Variants in IFRD1 observed in about 807,000 individuals in gnomAD.
IFRD1 encodes interferon related developmental regulator 1, also known as interferon-related developmental regulator 1.
In IFRD1, 35 loss-of-function variants were observed where a neutral mutation model predicts 52.9. The observed-to-expected ratio is 0.66, with a 90% CI of 0.51 to 0.88. The LOEUF (loss-of-function observed/expected upper bound fraction) is 0.88, where lower values mean the gene tolerates loss of function less well. Ranked by LOEUF, IFRD1 falls within the 40% of genes least tolerant of loss-of-function variation. IFRD1 has a pLI of 0.00. For missense variants in IFRD1, 517 were observed against 550.8 expected (o/e 0.94, Z 0.61); for synonymous variants, 184 against 188.4 (o/e 0.98, Z 0.19).
At chr7:112,458,734 G>A (rs1486772060) in intron 4 of IFRD1, 127 bp from the exon 5 acceptor site, 3 of 823,690 alleles carry the variant, frequency 3.6e-6, no homozygotes, top group Non-Finnish European at 6.0e-6. Flanking sequence ...TTACATCAAA[G>A]CCTGGAGCAT....
Position 112,468,072 on chromosome 7 carries a change from G to C in IFRD1, c.998G>C (p.Arg333Thr). ...AAACACCGGGCCAAAGTGGACAAGAGAAAGCAGCGGTCAGTTTTCAGAGAT... is the reference window on the plus strand; with the variant it reads ...AAACACCGGGCCAAAGTGGACAAGACAAAGCAGCGGTCAGTTTTCAGAGAT... ...GNKHRAKVDK[R>T]KQRSVFRDVL... Residue 333 changes from arginine (R) to threonine (T), a missense_variant, in exon 9 of 12, where the codon AGA becomes ACA. Arg to Thr is a moderately conservative substitution (Grantham distance 71). Coordinates refer to ENST00000403825, the MANE Select transcript of IFRD1 (RefSeq NM_001550.4). 6.2e-7 allele frequency: 1 copy of C among 1,614,128 alleles called. No homozygotes were observed. The highest frequency in any genetic ancestry group is 8.5e-7 in the Non-Finnish European group (1 of 1,179,980).
Position 112,472,201 on chromosome 7 carries a change from G to T in IFRD1, c.1042-18G>T, listed in dbSNP as rs1254554942. 6.2e-7 allele frequency: 1 copy of T among 1,613,404 alleles called. No homozygotes were observed. The highest frequency in any genetic ancestry group is 1.1e-5 in the South Asian group (1 of 91,016). ...CCATTTTAGTGCCTGTGGTAATTTT[G>T]GTTCTTCCATTGGTTAGGAACGGGA... On this transcript the variant is annotated intron_variant, in intron 9 of 11. Transcript: ENST00000403825.
chr7:112,434,526 AC>A (rs1281598260), intron 1 of IFRD1, among the ~76,000 whole-genome samples: 4 of 152,238 alleles, frequency 2.6e-5, no homozygotes, highest in Admixed American at 6.5e-5. Context: ...TAATATGTCT[AC>A]TATATACTTT....
chr7:112,463,889 CACA>C (rs1320548840), intron 8 of IFRD1, among the ~76,000 whole-genome samples: 6 of 14,904 alleles, frequency 4.0e-4, no homozygotes, highest in African/African-American at 1.4e-3. Context: ...CACACACACA[CACA>C]CACCCCACGT....
Position 112,475,961 on chromosome 7 carries a change from G to A in IFRD1, c.*442G>A. Reference sequence around the variant, plus strand: ...AGCTGCTGTATTTTTAATTTTTAATGGAATGTAGCTTTTAAAATCCTGTCA... The same window carrying A: ...AGCTGCTGTATTTTTAATTTTTAATAGAATGTAGCTTTTAAAATCCTGTCA... On this transcript the variant is annotated 3_prime_UTR_variant, in exon 12 of 12. Coordinates refer to ENST00000403825, the MANE Select transcript of IFRD1 (RefSeq NM_001550.4). 6.0e-6 allele frequency: 1 copy of A among 165,916 alleles called. No homozygotes were observed. Among genetic ancestry groups the A allele is most frequent in the Non-Finnish European group, 1.3e-5 (1 of 77,048 alleles). The allele number at this position is 165,916 out of a possible 1,614,324, so 10.3% of individuals were successfully genotyped here.
At chr7:112,472,132 T>G (rs956164020) in intron 9 of IFRD1, 87 bp from the exon 10 acceptor site, 28 of 1,309,906 alleles carry the variant, frequency 2.1e-5, no homozygotes, top group Non-Finnish European at 3.1e-5. Flanking sequence ...TCTCAGCATG[T>G]ATATGACTGT....
chr7:112,468,966 A>G (rs540777943), intron 9 of IFRD1, among the ~76,000 whole-genome samples: 1 of 152,366 alleles, frequency 6.6e-6, no homozygotes, highest in South Asian at 2.1e-4. Flanking sequence ...CATGGCTAAA[A>G]TGAACTATAG....
chr7:112,471,937 T>A (rs1207413325), intron 9 of IFRD1, among the ~76,000 whole-genome samples: 1 of 152,122 alleles, frequency 6.6e-6, no homozygotes, highest in Non-Finnish European at 1.5e-5. Context: ...TTAAGTTTGT[T>A]GAGAGCTGTT....
intron 5 of IFRD1, 71 bp downstream of exon 5, chr7:112,459,089 T>A: frequency 7.9e-7 from 1 of 1,265,604 alleles, no homozygotes; most frequent in South Asian, 1.2e-5. Context: ...CCTATAGTAC[T>A]GTACCAGCTA....
At chr7:112,430,022 G>C (rs1321632221) in intron 1 of IFRD1, among the ~76,000 whole-genome samples, 1 of 152,118 alleles carries the variant, frequency 6.6e-6, no homozygotes, top group East Asian at 1.9e-4. Flanking sequence ...CTCCATGTCT[G>C]TTCCATGTTG....
In IFRD1 at chr7:112,475,421, TC is replaced by T. The variant is rs1404096912; in HGVS notation, c.1267-8del. 1.3e-6 allele frequency: 2 copies of T among 1,581,740 alleles called. No homozygotes were observed. Among genetic ancestry groups the T allele is most frequent in the African/African-American group, 2.7e-5 (2 of 74,276 alleles). On this transcript the variant is annotated splice_polypyrimidine_tract_variant and splice_region_variant and intron_variant, in intron 11 of 11. Transcript: ENST00000403825. Reference sequence around the variant, plus strand: ...TACTGATGCACGTTTTTCCTTTTTTTCATTTTAGCATTTATATAACTCTGCA... The same window carrying T: ...TACTGATGCACGTTTTTCCTTTTTTTATTTTAGCATTTATATAACTCTGCA...
At chr7:112,463,884 A>C (rs10233223) in intron 8 of IFRD1, among the ~76,000 whole-genome samples, 19 of 79,990 alleles carry the variant, frequency 2.4e-4, no homozygotes, top group South Asian at 1.1e-3. Flanking sequence ...ACACACACAC[A>C]CACACACACA....
intron 1 of IFRD1, among the ~76,000 whole-genome samples, chr7:112,441,955 C>A (rs1794900678): frequency 6.6e-6 from 1 of 152,022 alleles, no homozygotes; most frequent in Admixed American, 6.5e-5. Flanking sequence ...TCCTAGCACT[C>A]GCAGAATTTA....
chr7:112,471,332 CTG>C (rs1795740096), intron 9 of IFRD1, among the ~76,000 whole-genome samples: 1 of 152,112 alleles, frequency 6.6e-6, no homozygotes. Flanking sequence ...AGTTGCATGT[CTG>C]TATTAAGTCT....
At chr7:112,452,136 T>C (rs1464851213) in intron 1 of IFRD1, 1 of 976,382 alleles carries the variant, frequency 1.0e-6, no homozygotes, top group Non-Finnish European at 1.2e-6. Context: ...CTCTGGTTGC[T>C]CTATGTGAAT....
upstream of IFRD1, among the ~76,000 whole-genome samples, chr7:112,448,693 C>T (rs1177346158): frequency 6.6e-6 from 1 of 152,224 alleles, no homozygotes; most frequent in African/African-American, 2.4e-5. Context: ...TAAATAGCAT[C>T]TTTGAGTAGG....
chr7:112,450,986 C>T, intron 1 of IFRD1: 5 of 601,336 alleles, frequency 8.3e-6, no homozygotes, highest in Non-Finnish European at 1.5e-5. Flanking sequence ...GCGAACCGGA[C>T]TCTTGGGCAC....
chr7:112,447,648 G>C (rs750601117), upstream of IFRD1, among the ~76,000 whole-genome samples: 21 of 152,092 alleles, frequency 1.4e-4, no homozygotes, highest in African/African-American at 5.1e-4. Flanking sequence ...GTTCCCTTTC[G>C]TGCTTCCCCT....
chr7:112,463,903 A>G (rs1795540136), intron 8 of IFRD1, among the ~76,000 whole-genome samples: 2 of 149,506 alleles, frequency 1.3e-5, no homozygotes, highest in African/African-American at 4.9e-5. Flanking sequence ...CACCCCACGT[A>G]TCTTTTCTCC....
Sources: gnomAD v4.1 joint callset for allele counts (sites outside exome capture counted in the v4.1 genomes callset) on GRCh38, gnomAD v4.1.1 for gene constraint, MANE v1.5 for transcripts, NCBI Gene and HGNC (gene_info 2026-07-23, HGNC 2026-07-21) for gene names.